Variants in PARM1 observed in about 807,000 individuals in gnomAD.
The protein encoded by PARM1 is prostate androgen-regulated mucin-like protein 1.
A neutral mutation model predicts 24.6 loss-of-function variants in PARM1; 14 were observed. The observed-to-expected ratio is 0.57, with a 90% CI of 0.38 to 0.89. The LOEUF is 0.89. Among genes scored for constraint, PARM1 ranks in the 40% least tolerant of loss-of-function variants. The pLI is 0.00. For missense variants in PARM1, 362 were observed against 380.4 expected, an observed-to-expected ratio of 0.95 and a Z score of 0.40; for synonymous variants, 179 against 156.6, an observed-to-expected ratio of 1.14 and a Z score of -1.07.
intron 2 of PARM1, among the ~76,000 whole-genome samples, chr4:75,020,009 C>CA (rs1161399344): frequency 0.18 from 5,552 of 30,636 alleles, 1,632 homozygotes; most frequent in Non-Finnish European, 0.48. Context: ...GACTCCGTCT[C>CA]AAAAAAAAAA....
At chr4:74,964,539 CCA>C (rs1488384472) in intron 1 of PARM1, among the ~76,000 whole-genome samples, 1 of 146,180 alleles carries the variant, frequency 6.8e-6, no homozygotes, top group Non-Finnish European at 1.5e-5. Flanking sequence ...TCAACTCCTT[CCA>C]CACCTGGCAA....
At chr4:74,971,924 T>C (rs1722045355) in intron 1 of PARM1, among the ~76,000 whole-genome samples, 1 of 152,220 alleles carries the variant, frequency 6.6e-6, no homozygotes, top group Non-Finnish European at 1.5e-5. Context: ...TGGTGTCTGC[T>C]CCTACCAAAA....
At chr4:74,995,715 T>C (rs572172328) in intron 1 of PARM1, among the ~76,000 whole-genome samples, 6 of 152,260 alleles carry the variant, frequency 3.9e-5, no homozygotes, top group African/African-American at 1.4e-4. Context: ...TCTCCATGGC[T>C]ACTACCTTAG....
Position 75,049,934 on chromosome 4 carries a change from G to A in PARM1, c.*3687G>A, listed in dbSNP as rs1479060313. ...ATTTTAATAGTGCTAGTTGATATTGGTAATAATGCTAACCAAGAGATCAAT... is the reference window on the plus strand; with the variant it reads ...ATTTTAATAGTGCTAGTTGATATTGATAATAATGCTAACCAAGAGATCAAT... On this transcript the variant is annotated 3_prime_UTR_variant, in exon 4 of 4. Transcript: ENST00000307428. The A allele has an allele frequency of 4.1e-5, 6 of 147,560 alleles. No individual in the cohort carries two copies. In the East Asian group the frequency reaches 1.2e-3, roughly 29 times the overall value. 9.1% of individuals were successfully genotyped at this position (147,560 alleles called of 1,614,324 possible).
intron 1 of PARM1, among the ~76,000 whole-genome samples, chr4:74,990,516 G>A (rs1177503049): frequency 1.3e-5 from 2 of 152,148 alleles, no homozygotes; most frequent in Non-Finnish European, 2.9e-5. Flanking sequence ...TGCAGGCACA[G>A]TACCAGAAAC....
At chr4:75,023,533 G>GT (rs765337330) in intron 2 of PARM1, among the ~76,000 whole-genome samples, 2 of 152,122 alleles carry the variant, frequency 1.3e-5, no homozygotes, top group Non-Finnish European at 1.5e-5. Context: ...TAGAATGTTT[G>GT]TAAAAACACT....
chr4:75,024,203 C>T (rs1488937038), intron 2 of PARM1, among the ~76,000 whole-genome samples: 2 of 150,666 alleles, frequency 1.3e-5, no homozygotes, highest in South Asian at 2.1e-4. Context: ...ACCCGGGAGG[C>T]GGAGCTTGCG....
At chr4:74,987,054 A>T (rs570444180) in intron 1 of PARM1, among the ~76,000 whole-genome samples, 1 of 152,196 alleles carries the variant, frequency 6.6e-6, no homozygotes, top group Non-Finnish European at 1.5e-5. Flanking sequence ...GACCTAATAC[A>T]TACTAAATGT....
intron 1 of PARM1, among the ~76,000 whole-genome samples, chr4:74,999,866 C>T (rs975145994): frequency 8.5e-5 from 13 of 152,092 alleles, no homozygotes; most frequent in African/African-American, 2.9e-4. Context: ...TGATGCGTGT[C>T]GTATCATGAC....
intron 2 of PARM1, among the ~76,000 whole-genome samples, chr4:75,033,594 A>G (rs1723312071): frequency 6.6e-6 from 1 of 152,170 alleles, no homozygotes; most frequent in Non-Finnish European, 1.5e-5. Flanking sequence ...TTAAAAAGAT[A>G]ATCAAAATAT....
At chr4:75,026,670 T>C (rs1216793654) in intron 2 of PARM1, among the ~76,000 whole-genome samples, 5 of 152,184 alleles carry the variant, frequency 3.3e-5, no homozygotes, top group Non-Finnish European at 7.3e-5. Flanking sequence ...TGGTCCTGAG[T>C]ACTCAACCAT....
intron 1 of PARM1, among the ~76,000 whole-genome samples, chr4:74,981,372 A>G (rs994966968): frequency 1.3e-5 from 2 of 152,204 alleles, no homozygotes; most frequent in Non-Finnish European, 2.9e-5. Context: ...AACATATGAA[A>G]AAAAAAGCTC....
chr4:75,000,490 C>T (rs1461007361), intron 1 of PARM1, among the ~76,000 whole-genome samples: 1 of 152,182 alleles, frequency 6.6e-6, no homozygotes, highest in Non-Finnish European at 1.5e-5. Flanking sequence ...TACTGGCATC[C>T]TTGGCTTCAC....
intron 1 of PARM1, among the ~76,000 whole-genome samples, chr4:74,969,259 T>A (rs1301884348): frequency 1.3e-5 from 2 of 152,218 alleles, no homozygotes; most frequent in Non-Finnish European, 2.9e-5. Context: ...GGCGGCTGTC[T>A]AAGGCCCTTT....
chr4:74,985,180 C>A (rs183686497), intron 1 of PARM1, among the ~76,000 whole-genome samples: 1 of 152,202 alleles, frequency 6.6e-6, no homozygotes, highest in Non-Finnish European at 1.5e-5. Flanking sequence ...GCTATGCGGG[C>A]AGTTGTGCTG....
chr4:75,026,722 C>G (rs181700520), intron 2 of PARM1, among the ~76,000 whole-genome samples: 1 of 152,266 alleles, frequency 6.6e-6, no homozygotes, highest in East Asian at 1.9e-4. Context: ...TCTTATATAG[C>G]CTGTGGTCCT....
At chr4:75,005,475 TG>T (rs1722753549) in intron 1 of PARM1, among the ~76,000 whole-genome samples, 1 of 152,166 alleles carries the variant, frequency 6.6e-6, no homozygotes, top group South Asian at 2.1e-4. Context: ...GGGCACTCAC[TG>T]CCCATATTCC....
chr4:75,020,009 C>CAAAAA (rs1161399344), intron 2 of PARM1, among the ~76,000 whole-genome samples: 6 of 31,098 alleles, frequency 1.9e-4, no homozygotes, highest in Non-Finnish European at 2.2e-4. Context: ...GACTCCGTCT[C>CAAAAA]AAAAAAAAAA....
At chr4:75,035,865 C>T (rs1265021809) in intron 3 of PARM1, among the ~76,000 whole-genome samples, 4 of 152,156 alleles carry the variant, frequency 2.6e-5, no homozygotes, top group African/African-American at 9.7e-5. Flanking sequence ...AAAAATATTT[C>T]TCTTCATTAA....
Sources: allele counts gnomAD v4.1 joint callset (sites outside exome capture counted in the v4.1 genomes callset), GRCh38; gene constraint gnomAD v4.1.1; transcripts MANE v1.5; gene names NCBI Gene and HGNC (gene_info 2026-07-23, HGNC 2026-07-21).